The following SEPSECS variants were observed in gnomAD, a reference collection of about 807,000 sequenced individuals.
SEPSECS encodes O-phosphoseryl-tRNA(Sec) selenium transferase.
A neutral mutation model predicts 52.1 loss-of-function variants in SEPSECS; 42 were observed. The ratio of observed to expected loss-of-function variants is 0.81; its 90% CI spans 0.63 to 1.04. The LOEUF is 1.04. Ranked by LOEUF, SEPSECS falls within the 50% of genes least tolerant of loss-of-function variation. SEPSECS has a pLI of 0.00. For synonymous variants in SEPSECS, 216 were observed against 211.4 expected, an observed-to-expected ratio of 1.02 and a Z score of -0.19; for missense variants, 590 against 610.6, an observed-to-expected ratio of 0.97 and a Z score of 0.36.
At chr4:25,143,496 C>T (rs1711734202) in intron 8 of SEPSECS, among the ~76,000 whole-genome samples, 1 of 152,098 alleles carries the variant, frequency 6.6e-6, no homozygotes, top group Non-Finnish European at 1.5e-5. Flanking sequence ...GAGTCATTAT[C>T]TTGTTGCATA....
intron 8 of SEPSECS, among the ~76,000 whole-genome samples, chr4:25,137,485 T>A (rs1728885536): frequency 6.6e-6 from 1 of 152,088 alleles, no homozygotes; most frequent in African/African-American, 2.4e-5. Context: ...TCACTGATCA[T>A]GAGAGAAATG....
At chr4:25,145,676 C>T (rs1247576324) in intron 6 of SEPSECS, among the ~76,000 whole-genome samples, 1 of 152,118 alleles carries the variant, frequency 6.6e-6, no homozygotes, top group Non-Finnish European at 1.5e-5. Context: ...TACAATGGGT[C>T]CTATAACTAT....
At chr4:25,133,308 T>C (rs1312375252) in intron 8 of SEPSECS, among the ~76,000 whole-genome samples, 2 of 152,200 alleles carry the variant, frequency 1.3e-5, no homozygotes, top group Non-Finnish European at 2.9e-5. Context: ...GAGAGTTACC[T>C]CCTGACATCT....
chr4:25,125,633 A>G (rs1221258183), intron 10 of SEPSECS, 61 bp downstream of exon 10: 2 of 1,049,386 alleles, frequency 1.9e-6, no homozygotes, highest in Non-Finnish European at 3.0e-6. Context: ...GAGGAAAGGT[A>G]TTTTACTGGA....
Position 25,123,751 on chromosome 4 carries a change from C to A in SEPSECS, c.*180G>T. On this transcript the variant is annotated 3_prime_UTR_variant, in exon 11 of 11. Transcript: ENST00000382103. ...CTGTTAAGGATCACAAGGATTGATG[C>A]AGTCTAAGAATGGGAAACTTAACAA... 1 of 601,574 alleles carries A rather than the reference C, an allele frequency of 1.7e-6. No individual in the cohort carries two copies. The highest frequency in any genetic ancestry group is 3.0e-6 in the Non-Finnish European group (1 of 337,178). The allele number at this position is 601,574 out of a possible 1,614,324, so 37.3% of individuals were successfully genotyped here.
rs1300283356 is a variant in SEPSECS at position 25,151,906 on chromosome 4, A to G, written c.804+54T>C. ...TTGTAAGAAAAAGTAATAATCCTAT[A>G]ATATGTTAAAATGAATTTTTCCTTG... is the stretch of plus-strand genomic sequence containing the variant. On this transcript the variant is annotated intron_variant, in intron 6 of 10. Coordinates refer to ENST00000382103, the MANE Select transcript of SEPSECS (RefSeq NM_016955.4). The G allele has an allele frequency of 3.2e-6, 3 of 941,944 alleles. No individual in the cohort carries two copies. In the East Asian group the frequency reaches 7.2e-5, roughly 23 times the overall value. 58.3% of individuals were successfully genotyped at this position (941,944 alleles called of 1,614,324 possible).
intron 4 of SEPSECS, among the ~76,000 whole-genome samples, chr4:25,155,527 C>T (rs920373098): frequency 1.3e-5 from 2 of 152,194 alleles, no homozygotes; most frequent in African/African-American, 4.8e-5. Flanking sequence ...TCCACTCATT[C>T]TCTGGTGATA....
At chr4:25,158,873 A>G (rs1560338117) in intron 2 of SEPSECS, 80 bp downstream of exon 2, 3 of 1,361,770 alleles carry the variant, frequency 2.2e-6, no homozygotes, top group South Asian at 2.3e-5. Context: ...TGATAATCTA[A>G]TAAGATAAAT....
At chr4:25,155,847 T>A (rs755474679) in intron 4 of SEPSECS, among the ~76,000 whole-genome samples, 190 bp downstream of exon 4, 6 of 152,208 alleles carry the variant, frequency 3.9e-5, no homozygotes, top group Non-Finnish European at 7.3e-5. Context: ...GATATTTAGG[T>A]ATCCATAAAC....
chr4:25,134,325 T>TGTGC (rs1728741660), intron 8 of SEPSECS, among the ~76,000 whole-genome samples: 1 of 104,506 alleles, frequency 9.6e-6, no homozygotes. Context: ...TAAAAATGTG[T>TGTGC]GTGTGTGTGT....
chr4:25,137,513 G>T (rs1728891013), intron 8 of SEPSECS, among the ~76,000 whole-genome samples: 1 of 152,112 alleles, frequency 6.6e-6, no homozygotes, highest in South Asian at 2.1e-4. Flanking sequence ...AAACCACAAT[G>T]AGATACCATC....
chr4:25,155,236 C>T, intron 4 of SEPSECS, 85 bp from the exon 5 acceptor site: 1 of 1,376,266 alleles, frequency 7.3e-7, no homozygotes, highest in Non-Finnish European at 1.0e-6. Flanking sequence ...TGCTATTCTA[C>T]ACAAGAACTC....
At position 25,156,239 on chromosome 4, in the gene SEPSECS, AC is replaced by A. The variant is rs142857714; in HGVS notation, c.389-45del. On this transcript the variant is annotated intron_variant, in intron 3 of 10. Coordinates refer to ENST00000382103, the MANE Select transcript of SEPSECS (RefSeq NM_016955.4). Reference sequence around the variant, plus strand: ...ACAGAAATCTGTTATCCCGCTAAGCACCCAGCATCCTTCTTGAGGAAATAAT... The same window carrying A: ...ACAGAAATCTGTTATCCCGCTAAGCACCAGCATCCTTCTTGAGGAAATAAT... 1.2e-3 allele frequency: 1,821 copies of A among 1,538,240 alleles called. 45 individuals carry two copies. In the East Asian group the frequency reaches 0.036, roughly 30 times the overall value.
chr4:25,150,701 G>T (rs1712245718), intron 6 of SEPSECS, among the ~76,000 whole-genome samples: 1 of 152,096 alleles, frequency 6.6e-6, no homozygotes, highest in African/African-American at 2.4e-5. Flanking sequence ...AAAGCAAAAA[G>T]AAGGATAGAA....
chr4:25,156,073 C>G lies in SEPSECS; in HGVS notation c.511G>C (p.Asp171His), dbSNP rs746262164. 1.1e-5 allele frequency: 17 copies of G among 1,613,838 alleles called. No homozygotes were observed. The highest frequency in any genetic ancestry group is 1.7e-6 in the Non-Finnish European group (2 of 1,179,948). Residue 171 changes from aspartate (D) to histidine (H), a missense_variant, in exon 4 of 11, where the codon GAC becomes CAC. Physicochemically the swap from Asp to His is moderately conservative, Grantham distance 81. Transcript: ENST00000382103. ...KAKYIIWPRI[D>H]QKSCFKSMIT... ...ATGGATTTAAAGCAGGACTTCTGGT[C>G]TATTCGTGGCCATATAATATACTTT...
chr4:25,137,664 C>T (rs925913726), intron 8 of SEPSECS, among the ~76,000 whole-genome samples: 4 of 152,128 alleles, frequency 2.6e-5, no homozygotes, highest in Admixed American at 2.0e-4. Flanking sequence ...GTGGGGATTC[C>T]TCAAGATCTA....
At position 25,133,204 on chromosome 4, in the gene SEPSECS, A is replaced by G. The variant is rs1244775507; in HGVS notation, c.1027-5847T>C. Among the ~76,000 whole-genome samples the G allele has an allele frequency of 3.3e-5, 5 of 152,206 alleles. No individual in the cohort carries two copies. The East Asian group carries it at 9.6e-4, about 29-fold the overall frequency. On this transcript the variant is annotated intron_variant, in intron 8 of 10. Coordinates refer to ENST00000382103, the MANE Select transcript of SEPSECS (RefSeq NM_016955.4). The stretch of plus-strand genomic sequence containing the variant: ...CTACAGACACATGATAATACACTGT[A>G]GCTATAATCCTGTTCTTGTCCTGTT...
intron 8 of SEPSECS, among the ~76,000 whole-genome samples, chr4:25,143,228 A>C (rs912352735): frequency 2.0e-5 from 3 of 152,222 alleles, no homozygotes; most frequent in Non-Finnish European, 2.9e-5. Flanking sequence ...ACATAGTAAA[A>C]TTCGGGATGT....
chr4:25,147,631 T>C (rs1431024583), intron 6 of SEPSECS, among the ~76,000 whole-genome samples: 1 of 152,218 alleles, frequency 6.6e-6, no homozygotes, highest in Non-Finnish European at 1.5e-5. Context: ...CTTAAATTCG[T>C]CATTTTAGTA....
Sources: allele counts gnomAD v4.1 joint callset (sites outside exome capture counted in the v4.1 genomes callset), GRCh38; gene constraint gnomAD v4.1.1; transcripts MANE v1.5; gene names NCBI Gene and HGNC (gene_info 2026-07-23, HGNC 2026-07-21).